Variants in DUSP10 observed in about 807,000 individuals in gnomAD.
The protein encoded by DUSP10 is dual specificity phosphatase 10.
In DUSP10, 14 loss-of-function variants were observed where a neutral mutation model predicts 30.8. The observed-to-expected ratio is 0.46, with a 90% CI of 0.30 to 0.71. The LOEUF is 0.71. Ranked by LOEUF, DUSP10 falls within the 30% of genes least tolerant of loss-of-function variation. The probability of loss-of-function intolerance (pLI) is 0.08; values close to 1 mark genes in which losing one functional copy is unlikely to be tolerated. For missense variants in DUSP10, 550 were observed against 619.4 expected (o/e 0.89, Z 1.19); for synonymous variants, 254 against 250.4 (o/e 1.01, Z -0.14).
At chr1:221,736,344 GCCTT>G (rs1419949675) in intron 2 of DUSP10, among the ~76,000 whole-genome samples, 2 of 152,246 alleles carry the variant, frequency 1.3e-5, no homozygotes, top group African/African-American at 2.4e-5. Flanking sequence ...AAACTAACAA[GCCTT>G]TAGAAGTTTC....
chr1:221,730,369 C>A (rs1027253949), intron 2 of DUSP10, among the ~76,000 whole-genome samples: 2 of 152,128 alleles, frequency 1.3e-5, no homozygotes, highest in East Asian at 3.8e-4. Context: ...CCCCCTGGCT[C>A]GGGCAGTTTA....
intron 1 of DUSP10, 63 bp from the exon 2 acceptor site, chr1:221,739,850 C>A: frequency 6.9e-7 from 1 of 1,441,594 alleles, no homozygotes; most frequent in African/African-American, 1.4e-5. Flanking sequence ...GCAGTCTCAT[C>A]CAATCCCTGG....
intron 2 of DUSP10, among the ~76,000 whole-genome samples, chr1:221,711,390 T>C (rs749174788): frequency 6.6e-6 from 1 of 152,154 alleles, no homozygotes; most frequent in Non-Finnish European, 1.5e-5. Flanking sequence ...TTCCAGAAAT[T>C]TAAGGAACAC....
chr1:221,730,070 C>A (rs1481116254), intron 2 of DUSP10, among the ~76,000 whole-genome samples: 1 of 152,236 alleles, frequency 6.6e-6, no homozygotes, highest in East Asian at 1.9e-4. Flanking sequence ...TCTGTCCACT[C>A]CCCCACCCCT....
intron 2 of DUSP10, among the ~76,000 whole-genome samples, chr1:221,712,777 C>CAAAAA (rs58249338): frequency 0.2 from 11,425 of 56,724 alleles, 1,918 homozygotes; most frequent in African/African-American, 0.28. Context: ...TATAAAGCAG[C>CAAAAA]AAAAAAAAAA....
intron 1 of DUSP10, among the ~76,000 whole-genome samples, chr1:221,741,444 G>T (rs1661952165): frequency 6.6e-6 from 1 of 150,558 alleles, no homozygotes; most frequent in Non-Finnish European, 1.5e-5. Context: ...TGTATAGAGA[G>T]ACCTGCATCC....
chr1:221,730,773 G>T (rs1213899517), intron 2 of DUSP10, among the ~76,000 whole-genome samples: 2 of 151,824 alleles, frequency 1.3e-5, no homozygotes, highest in East Asian at 1.9e-4. Flanking sequence ...TAAAATATGG[G>T]TCTTGCTCGG....
intron 2 of DUSP10, among the ~76,000 whole-genome samples, chr1:221,733,519 C>T (rs1052303819): frequency 1.3e-5 from 2 of 152,198 alleles, no homozygotes; most frequent in Admixed American, 6.5e-5. Flanking sequence ...TAACAGGCTC[C>T]CACAGTACTG....
At chr1:221,731,649 G>A (rs374018869) in intron 2 of DUSP10, among the ~76,000 whole-genome samples, 11 of 126,632 alleles carry the variant, frequency 8.7e-5, no homozygotes, top group East Asian at 2.2e-4. Flanking sequence ...TCTCACTGTC[G>A]CCAGGCTGGA....
In DUSP10 at chr1:221,702,594, A is replaced by C. The variant is rs1407129504; in HGVS notation, c.1267T>G (p.Leu423Val). The part of the protein sequence containing the change: ...SRSATIVIAY[L>V]MKHTRMTMTD... The stretch of plus-strand genomic sequence containing the variant: ...ATGGTCATCCGAGTGTGCTTCATCA[A>C]GTAAGCGATGACGATGGTGGCGGAG... Residue 423 changes from leucine to valine, a missense_variant, in exon 4 of 4, where the codon TTG becomes GTG. Transcript: ENST00000366899. This position sits in a 1 kb window ranked among gnomAD's most constrained non-coding sequence, Gnocchi z 4.5. 6.2e-7 allele frequency: 1 copy of C among 1,614,198 alleles called. No homozygotes were observed. Among genetic ancestry groups the C allele is most frequent in the Non-Finnish European group, 8.5e-7 (1 of 1,180,034 alleles).
Position 221,702,284 on chromosome 1 carries a change from A to T in DUSP10, c.*128T>A. On this transcript the variant is annotated 3_prime_UTR_variant, in exon 4 of 4. Coordinates refer to ENST00000366899, the MANE Select transcript of DUSP10 (RefSeq NM_007207.6). This position sits in a 1 kb window ranked among gnomAD's most constrained non-coding sequence, Gnocchi z 4.5. Reference sequence around the variant, plus strand: ...CTTGTTAAAAATAAAGTGTTTAAACAAGTTTGTTTCCATTCACAAACTTAC... The same window carrying T: ...CTTGTTAAAAATAAAGTGTTTAAACTAGTTTGTTTCCATTCACAAACTTAC... 1 of 1,093,790 alleles carries T rather than the reference A, an allele frequency of 9.1e-7. No homozygotes were observed. The highest frequency in any genetic ancestry group is 1.3e-6 in the Non-Finnish European group (1 of 762,020). 67.8% of individuals were successfully genotyped at this position (1,093,790 alleles called of 1,614,324 possible). A position where few individuals can be genotyped will look rare whatever the true frequency, so the allele number is the denominator to read the frequency against.
chr1:221,717,288 C>A lies in DUSP10; in HGVS notation c.812-10822G>T, dbSNP rs116237840. 3.0e-3 allele frequency among the ~76,000 whole-genome samples: 454 copies of A among 152,050 alleles called. 2 individuals are homozygous for A. The highest frequency in any genetic ancestry group is 9.8e-3 in the African/African-American group (405 of 41,474). ...GGAGGCACAATGACTGGGCAAGAGG[C>A]GGGTGAGGAGAAGGGCTAGAGGGGA... On this transcript the variant is annotated intron_variant, in intron 2 of 3. Coordinates refer to ENST00000366899, the MANE Select transcript of DUSP10 (RefSeq NM_007207.6).
chr1:221,723,308 C>T (rs1661332071), intron 2 of DUSP10, among the ~76,000 whole-genome samples: 1 of 152,196 alleles, frequency 6.6e-6, no homozygotes, highest in African/African-American at 2.4e-5. Context: ...CCATTGTCAC[C>T]AAGGAAATGG....
intron 2 of DUSP10, among the ~76,000 whole-genome samples, chr1:221,733,603 G>A (rs748081731): frequency 2.0e-5 from 3 of 152,370 alleles, no homozygotes; most frequent in African/African-American, 7.2e-5. Flanking sequence ...ATTAGTGCAT[G>A]AGAGTAGGAG....
At chr1:221,718,594 G>T (rs1661187779) in intron 2 of DUSP10, among the ~76,000 whole-genome samples, 1 of 152,206 alleles carries the variant, frequency 6.6e-6, no homozygotes. Context: ...TCTAAAGAAT[G>T]TCTAAAAACA....
At chr1:221,705,048 G>A (rs1017900875) in intron 3 of DUSP10, among the ~76,000 whole-genome samples, 10 of 149,292 alleles carry the variant, frequency 6.7e-5, no homozygotes, top group Admixed American at 2.6e-4. Flanking sequence ...TTGAAGTTAC[G>A]TAAAAAAAAA....
intron 2 of DUSP10, among the ~76,000 whole-genome samples, chr1:221,707,160 C>A (rs1660794440): frequency 6.6e-6 from 1 of 152,192 alleles, no homozygotes; most frequent in African/African-American, 2.4e-5. Flanking sequence ...CTTAGCACAT[C>A]TCCTGGCACA....
chr1:221,736,474 A>T (rs536609284), intron 2 of DUSP10, among the ~76,000 whole-genome samples: 35 of 152,248 alleles, frequency 2.3e-4, no homozygotes, highest in African/African-American at 7.7e-4. Flanking sequence ...AAGGGAGGGG[A>T]TTACTCAAAT....
intron 3 of DUSP10, among the ~76,000 whole-genome samples, chr1:221,704,225 A>G (rs1363205074): frequency 6.6e-6 from 1 of 152,182 alleles, no homozygotes; most frequent in African/African-American, 2.4e-5. Context: ...ATCCAATAAT[A>G]TAACAATGAA....
Sources: gnomAD v4.1 joint callset for allele counts (sites outside exome capture counted in the v4.1 genomes callset) on GRCh38, gnomAD v4.1.1 for gene constraint, Gnocchi (gnomAD v3.1) non-coding constraint, MANE v1.5 for transcripts, NCBI Gene and HGNC (gene_info 2026-07-23, HGNC 2026-07-21) for gene names.